The following RBPJ variants were observed in gnomAD, a reference collection of about 807,000 sequenced individuals.
The protein encoded by RBPJ is recombining binding protein suppressor of hairless.
A neutral mutation model predicts 67.8 loss-of-function variants in RBPJ; 9 were observed. The ratio of observed to expected loss-of-function variants is 0.13; its 90% confidence interval spans 0.08 to 0.23. The LOEUF is 0.23. Among genes scored for constraint, RBPJ ranks in the 10% least tolerant of loss-of-function variants. RBPJ has a pLI of 1.00. For synonymous variants in RBPJ, 198 were observed against 203.3 expected, an observed-to-expected ratio of 0.97 and a Z score of 0.22; for missense variants, 305 against 595.6, an observed-to-expected ratio of 0.51 and a Z score of 5.08.
chr4:26,296,900 T>C (rs918935998), intron 1 of RBPJ, among the ~76,000 whole-genome samples: 1 of 152,180 alleles, frequency 6.6e-6, no homozygotes, highest in Non-Finnish European at 1.5e-5. Context: ...TGTTAAGATG[T>C]GTTCTGTGGG....
At chr4:26,283,686 G>T (rs1457475589) in intron 1 of RBPJ, among the ~76,000 whole-genome samples, 1 of 141,494 alleles carries the variant, frequency 7.1e-6, no homozygotes, top group Admixed American at 7.4e-5. Flanking sequence ...TTGCTCTGTC[G>T]CACAGGCTGG....
intron 1 of RBPJ, among the ~76,000 whole-genome samples, chr4:26,199,573 A>G (rs1190173231): frequency 6.6e-6 from 1 of 152,144 alleles, no homozygotes; most frequent in African/African-American, 2.4e-5. Context: ...TTGAGCCTGG[A>G]GTGGCTGGGG....
At chr4:26,355,625 A>G (rs901036404) in intron 1 of RBPJ, among the ~76,000 whole-genome samples, 15 of 152,144 alleles carry the variant, frequency 9.9e-5, no homozygotes, top group African/African-American at 3.6e-4. Context: ...GCAACAGAGC[A>G]AGACCCCATC....
the RBPJ span, among the ~76,000 whole-genome samples, chr4:26,107,939 T>G: frequency 4.6e-5 from 7 of 152,158 alleles, no homozygotes; most frequent in Non-Finnish European, 8.8e-5. Flanking sequence ...TTCTCCTCCT[T>G]GGGCTCCTGC....
At chr4:26,378,856 A>C (rs558487599) in intron 1 of RBPJ, among the ~76,000 whole-genome samples, 1 of 152,124 alleles carries the variant, frequency 6.6e-6, no homozygotes, top group East Asian at 1.9e-4. Flanking sequence ...GTGAAACCCT[A>C]TCTCTACAAA....
chr4:26,117,933 ATATT>A, the RBPJ span, among the ~76,000 whole-genome samples: 1 of 152,052 alleles, frequency 6.6e-6, no homozygotes, highest in East Asian at 1.9e-4. Flanking sequence ...TTATATATAT[ATATT>A]TGTGCATGGA....
At chr4:26,348,365 C>A (rs1373407454) in intron 1 of RBPJ, among the ~76,000 whole-genome samples, 1 of 152,144 alleles carries the variant, frequency 6.6e-6, no homozygotes, top group African/African-American at 2.4e-5. Flanking sequence ...CCTTCTAATA[C>A]TAAATGAGGT....
intron 1 of RBPJ, among the ~76,000 whole-genome samples, chr4:26,330,553 A>G (rs1169211232): frequency 6.6e-6 from 1 of 152,200 alleles, no homozygotes; most frequent in Non-Finnish European, 1.5e-5. Flanking sequence ...ACTCATTTAG[A>G]CTGTTGAAAA....
At chr4:26,257,948 G>A (rs916162011) in intron 1 of RBPJ, among the ~76,000 whole-genome samples, 1 of 152,220 alleles carries the variant, frequency 6.6e-6, no homozygotes, top group African/African-American at 2.4e-5. Flanking sequence ...CCATGAAAGT[G>A]TGTGTTTCTG....
chr4:26,364,892 T>C lies in RBPJ; in HGVS notation c.21-21461T>C, dbSNP rs554140754. Among the ~76,000 whole-genome samples the C allele has an allele frequency of 2.9e-4, 44 of 151,892 alleles. No individual in the cohort carries two copies. The East Asian group carries it at 8.3e-3, about 29-fold the overall frequency. ...TCGGCCTCCCGAAGTGCTGGGATTA[T>C]AGGTGTGAGCCACCGTGCCCGGCCT... is the stretch of plus-strand genomic sequence containing the variant. On this transcript the variant is annotated intron_variant, in intron 1 of 10. Transcript: ENST00000355476.
At chr4:26,305,771 C>CTTTTTTGTTTTTTTTT (rs1722213999) in intron 1 of RBPJ, among the ~76,000 whole-genome samples, 1 of 67,758 alleles carries the variant, frequency 1.5e-5, no homozygotes, top group African/African-American at 6.7e-5. Context: ...ATTTTCTTTT[C>CTTTTTTGTTTTTTTTT]TTTTTTTTTT....
intron 1 of RBPJ, among the ~76,000 whole-genome samples, chr4:26,239,778 T>G (rs1477062026): frequency 6.6e-6 from 1 of 151,334 alleles, no homozygotes; most frequent in Non-Finnish European, 1.5e-5. Context: ...CTGGGTAGAG[T>G]TAAACTTTGT....
chr4:26,294,851 G>A (rs1016142556), intron 1 of RBPJ, among the ~76,000 whole-genome samples: 14 of 151,670 alleles, frequency 9.2e-5, no homozygotes, highest in Non-Finnish European at 1.8e-4. Flanking sequence ...ACTCCAGCCT[G>A]GGAGACACAG....
Position 26,339,944 on chromosome 4 carries a change from G to A in RBPJ, c.20+18896G>A, listed in dbSNP as rs189815164. On this transcript the variant is annotated intron_variant, in intron 1 of 10. Transcript: ENST00000355476. ...TCAGGCAGGAGAATTGCTTGAACCC[G>A]GGATGCGGAGGTTGCAGTGAGGTGA... Among the ~76,000 whole-genome samples the A allele has an allele frequency of 8.7e-4, 132 of 152,048 alleles. 1 individual carries two copies. Among genetic ancestry groups the A allele is most frequent in the African/African-American group, 3.1e-3 (127 of 41,468 alleles).
At chr4:26,428,688 A>C (rs1200652406) in intron 7 of RBPJ, 32 bp from the exon 8 acceptor site, 1 of 1,572,882 alleles carries the variant, frequency 6.4e-7, no homozygotes, top group Non-Finnish European at 8.7e-7. Flanking sequence ...CCATGTGTGG[A>C]TGACCTTTTA....
At chr4:26,320,951 G>T, upstream of RBPJ, 1 of 1,612,734 alleles carries the variant, frequency 6.2e-7, no homozygotes. Flanking sequence ...AAAAAGGGAA[G>T]GGGCGGGGGA....
rs181253146 is a variant in RBPJ, at chr4:26,276,081, C to A, written c.-166-86365C>A. ...CTTCAGGTCAGGAGTTTGAGACCAGCCTGGCCAACATGGTGAAACCGCATC... is the reference window on the plus strand; with the variant it reads ...CTTCAGGTCAGGAGTTTGAGACCAGACTGGCCAACATGGTGAAACCGCATC... On this transcript the variant is annotated intron_variant, in intron 1 of 4. Transcript: ENST00000512351. 7.0e-3 allele frequency among the ~76,000 whole-genome samples: 1,061 copies of A among 151,020 alleles called. 14 individuals are homozygous for A. The highest frequency in any genetic ancestry group is 0.024 in the African/African-American group (996 of 41,374).
intron 1 of RBPJ, among the ~76,000 whole-genome samples, chr4:26,378,415 A>G (rs1729979487): frequency 1.3e-5 from 2 of 152,124 alleles, no homozygotes. Context: ...ATGAGAAGTT[A>G]ATGGAGACCC....
chr4:26,259,051 C>T (rs976416505), intron 1 of RBPJ, among the ~76,000 whole-genome samples: 3 of 152,122 alleles, frequency 2.0e-5, no homozygotes, highest in Admixed American at 2.0e-4. Flanking sequence ...ATCCACCCCC[C>T]TCAGACTCCC....
Sources: allele counts gnomAD v4.1 joint callset (sites outside exome capture counted in the v4.1 genomes callset), GRCh38; gene constraint gnomAD v4.1.1; transcripts MANE v1.5; gene names NCBI Gene and HGNC (gene_info 2026-07-23, HGNC 2026-07-21).